The following COMTD1 variants were observed in gnomAD, a reference collection of about 807,000 sequenced individuals.
COMTD1 encodes catechol-O-methyltransferase domain containing 1.
COMTD1 carries 35 observed loss-of-function variants against 33.6 expected under a neutral mutation model. That is an observed-to-expected ratio of 1.04 (90% CI 0.80 to 1.38). The LOEUF (loss-of-function observed/expected upper bound fraction) is 1.38. Among genes scored for constraint, COMTD1 ranks in the 40% most tolerant of loss-of-function variants. COMTD1 has a pLI of 0.00. For synonymous variants in COMTD1, 160 were observed against 176.8 expected (o/e 0.91, Z 0.75); for missense variants, 370 against 363.4 (o/e 1.02, Z -0.15).
chr10:75,234,624 G>A lies in COMTD1; in HGVS notation c.622C>T (p.Leu208Phe), dbSNP rs1000309484. ...GGATCCCTTACTCTGAGGACGGCGAGGATGCCTCCGGGTCGCAGCAGCTGC... is the reference window on the plus strand; with the variant it reads ...GGATCCCTTACTCTGAGGACGGCGAAGATGCCTCCGGGTCGCAGCAGCTGC... ...CLQLLRPGGI[L>F]AVLRVLWRGK... Residue 208 changes from leucine (L) to phenylalanine (F), a missense_variant, in exon 6 of 7, where the codon CTC (leucine) becomes TTC (phenylalanine). Leu to Phe is a conservative substitution (Grantham distance 22). Coordinates refer to ENST00000372538, the MANE Select transcript of COMTD1 (RefSeq NM_144589.4). The A allele has an allele frequency of 5.1e-6, 8 of 1,563,738 alleles. No individual in the cohort carries two copies. Among genetic ancestry groups the A allele is most frequent in the Admixed American group, 3.8e-5 (2 of 52,958 alleles).
intron 6 of COMTD1, 73 bp downstream of exon 6, chr10:75,234,535 TAA>T: frequency 6.7e-7 from 1 of 1,495,454 alleles, no homozygotes. Flanking sequence ...CTTTGGGGTA[TAA>T]GAGGAGTCAA....
intron 1 of COMTD1, 41 bp downstream of exon 1, chr10:75,235,794 T>C: frequency 6.5e-7 from 1 of 1,548,588 alleles, no homozygotes; most frequent in Non-Finnish European, 8.7e-7. Context: ...CGCCCTACTC[T>C]GCGCCCGCCC....
chr10:75,234,416 C>G (rs1356130679), intron 6 of COMTD1, 191 bp from the exon 7 acceptor site: 6 of 1,056,318 alleles, frequency 5.7e-6, no homozygotes, highest in Non-Finnish European at 8.0e-6. Flanking sequence ...GGGAGGTGCC[C>G]GGGCAGGAGG....
At chr10:75,234,843 C>T in intron 5 of COMTD1, 95 bp downstream of exon 5, 3 of 1,531,604 alleles carry the variant, frequency 2.0e-6, no homozygotes, top group Admixed American at 4.2e-5. Context: ...CCGGCCCTGC[C>T]CTTAACCTGC....
Position 75,234,990 on chromosome 10 carries a change from G to A in COMTD1, c.450C>T (p.Ala150=). 6.6e-7 allele frequency: 1 copy of A among 1,513,264 alleles called. No individual in the cohort carries two copies. Among genetic ancestry groups the A allele is most frequent in the Non-Finnish European group, 8.8e-7 (1 of 1,134,290 alleles). 93.7% of individuals were successfully genotyped at this position (1,513,264 alleles called of 1,614,324 possible). A position where few individuals can be genotyped will look rare whatever the true frequency, so the allele number is the denominator to read the frequency against. The change falls in exon 5 of 7, where the codon GCC becomes GCT. Residue 150 remains alanine, a splice_region_variant and synonymous_variant. Transcript: ENST00000372538. Reference sequence around the variant, plus strand: ...GGAGGTCGATCTTGTGCTCCGCCTCGGCCTGCGGAGGGAGCGGGTCAGCCG... The same window carrying A: ...GGAGGTCGATCTTGTGCTCCGCCTCAGCCTGCGGAGGGAGCGGGTCAGCCG... ...PELGRPLWRQ[A]EAEHKIDLRL... is the part of the protein sequence containing the mutation.
At position 75,235,059 on chromosome 10, in the gene COMTD1, C is replaced by T. The variant is rs1445155427; in HGVS notation, c.447+1G>A. 2.8e-6 allele frequency: 4 copies of T among 1,440,894 alleles called. No homozygotes were observed. In the Admixed American group the frequency reaches 9.6e-5, roughly 35 times the overall value. 89.3% of individuals were successfully genotyped at this position (1,440,894 alleles called of 1,614,324 possible). A position where few individuals can be genotyped will look rare whatever the true frequency, so the allele number is the denominator to read the frequency against. On this transcript the variant is annotated splice_donor_variant, in intron 4 of 6. Transcript: ENST00000372538. LOFTEE classifies it high-confidence loss of function. ...CTGCAGAGCTAGGCGCGGGCGCTCA[C>T]CTGCCTCCACAGGGGCCGTCCCAGC...
chr10:75,235,797 G>GGGCGCC, intron 1 of COMTD1, 38 bp downstream of exon 1: 1 of 1,538,664 alleles, frequency 6.5e-7, no homozygotes, highest in Non-Finnish European at 8.8e-7. Context: ...CCTACTCTGC[G>GGGCGCC]CCCGCCCACC....
intron 2 of COMTD1, 57 bp downstream of exon 2, chr10:75,235,559 A>G: frequency 3.3e-6 from 5 of 1,509,724 alleles, no homozygotes; most frequent in Non-Finnish European, 4.4e-6. Flanking sequence ...TCACACAGCC[A>G]CGTGGGACCC....
In COMTD1 at chr10:75,235,676, C is replaced by T. The variant is rs1360718639; in HGVS notation, c.162G>A (p.Leu54=). 1 of 1,598,036 alleles carries T rather than the reference C, an allele frequency of 6.3e-7. No homozygotes were observed. The highest frequency in any genetic ancestry group is 1.1e-5 in the South Asian group (1 of 88,642). ...TGGAGCGGCTCAGAAGATACTGCCACAGGCGGCTGTCCTCGGGGGGAAGCA... is the reference window on the plus strand; with the variant it reads ...TGGAGCGGCTCAGAAGATACTGCCATAGGCGGCTGTCCTCGGGGGGAAGCA... ...QCLLPPEDSR[L]WQYLLSRSMR... is the part of the protein sequence containing the mutation. The change falls in exon 2 of 7, where the codon CTG becomes CTA. Residue 54 remains leucine, a synonymous_variant. Coordinates refer to ENST00000372538, the MANE Select transcript of COMTD1 (RefSeq NM_144589.4).
At position 75,234,208 on chromosome 10, in the gene COMTD1, C is replaced by T. The variant is rs759034119; in HGVS notation, c.654G>A (p.Lys218=). ...LAVLRVLWRG[K]VLQPPKGDVA... ...CGTCCCCTTTCGGAGGTTGCAGCACCTTCCCGCGCCACAGGACCTGCGGGA... is the reference window on the plus strand; with the variant it reads ...CGTCCCCTTTCGGAGGTTGCAGCACTTTCCCGCGCCACAGGACCTGCGGGA... The change falls in exon 7 of 7, where the codon AAG becomes AAA. Residue 218 remains lysine, a synonymous_variant. Coordinates refer to ENST00000372538, the MANE Select transcript of COMTD1 (RefSeq NM_144589.4). 50 of 1,612,130 alleles carry T rather than the reference C, an allele frequency of 3.1e-5. No homozygotes were observed. The Admixed American group carries it at 8.2e-4, about 26-fold the overall frequency.
chr10:75,233,977 G>T lies in COMTD1; in HGVS notation c.*96C>A, dbSNP rs1484795766. 1.9e-6 allele frequency: 3 copies of T among 1,601,462 alleles called. No homozygotes were observed. The highest frequency in any genetic ancestry group is 2.5e-6 in the Non-Finnish European group (3 of 1,177,454). ...CACACGGAGGCTCAGGAGGTCGTGTGTCCCAGCCCCACTTTATTTTCGAAT... is the reference window on the plus strand; with the variant it reads ...CACACGGAGGCTCAGGAGGTCGTGTTTCCCAGCCCCACTTTATTTTCGAAT... On this transcript the variant is annotated 3_prime_UTR_variant, in exon 7 of 7. Coordinates refer to ENST00000372538, the MANE Select transcript of COMTD1 (RefSeq NM_144589.4).
intron 3 of COMTD1, 42 bp from the exon 4 acceptor site, chr10:75,235,220 C>T: frequency 6.8e-7 from 1 of 1,466,040 alleles, no homozygotes; most frequent in South Asian, 1.4e-5. Context: ...GAGTGGGGGT[C>T]GGCCCGGAAA....
chr10:75,235,650 A>G lies in COMTD1; in HGVS notation c.188T>C (p.Met63Thr), dbSNP rs1256272252. ...RLWQYLLSRS[M>T]REHPALRSLR... ...GCTTCGCAGCGCCGGGTGCTCCCGC[A>G]TGGAGCGGCTCAGAAGATACTGCCA... The change falls in exon 2 of 7, where the codon ATG becomes ACG. Residue 63 changes from methionine (M) to threonine (T), a missense_variant. Coordinates refer to ENST00000372538, the MANE Select transcript of COMTD1 (RefSeq NM_144589.4). 2 of 1,596,630 alleles carry G rather than the reference A, an allele frequency of 1.3e-6. No homozygotes were observed. The highest frequency in any genetic ancestry group is 8.5e-7 in the Non-Finnish European group (1 of 1,173,248).
Position 75,235,295 on chromosome 10 carries a change from G to A in COMTD1, c.300C>T (p.Leu100=). The change falls in exon 3 of 7, where the codon CTC becomes CTT. Residue 100 remains leucine (L), a synonymous_variant. Coordinates refer to ENST00000372538, the MANE Select transcript of COMTD1 (RefSeq NM_144589.4). ...QAQLLANLAR[L]IQAKKALDLG... The stretch of plus-strand genomic sequence containing the variant: ...GGTCCAGCGCCTTCTTGGCCTGGAT[G>A]AGCCGCGCCAGGTTGGCCAAGAGCT... The A allele has an allele frequency of 1.3e-6, 2 of 1,588,428 alleles. No homozygotes were observed. Among genetic ancestry groups the A allele is most frequent in the African/African-American group, 1.4e-5 (1 of 73,754 alleles).
Position 75,233,826 on chromosome 10 carries a change from C to T in COMTD1, c.*247G>A. 1 of 941,430 alleles carries T rather than the reference C, an allele frequency of 1.1e-6. No homozygotes were observed. 58.3% of individuals were successfully genotyped at this position (941,430 alleles called of 1,614,324 possible). ...TAAAACTTTATAACCTGCCTCCTGC[C>T]AGCTGGAGGTTCCTGCAGTTGGGCC... On this transcript the variant is annotated 3_prime_UTR_variant, in exon 7 of 7. Transcript: ENST00000372538.
At position 75,233,896 on chromosome 10, in the gene COMTD1, A is replaced by G. The variant is rs1333577347; in HGVS notation, c.*177T>C. 4.9e-6 allele frequency: 7 copies of G among 1,442,532 alleles called. No individual in the cohort carries two copies. The South Asian group carries it at 5.7e-5, about 12-fold the overall frequency. 89.4% of individuals were successfully genotyped at this position (1,442,532 alleles called of 1,614,324 possible). ...GGGGACGAATCTCAAGGCCCCTTTC[A>G]CTGAAGGCAGGAGCTGTCTGTGCTG... On this transcript the variant is annotated 3_prime_UTR_variant, in exon 7 of 7. Coordinates refer to ENST00000372538, the MANE Select transcript of COMTD1 (RefSeq NM_144589.4).
At chr10:75,234,506 G>T in intron 6 of COMTD1, 104 bp downstream of exon 6, 1 of 1,444,358 alleles carries the variant, frequency 6.9e-7, no homozygotes, top group Non-Finnish European at 9.2e-7. Context: ...TGTAGCCTAC[G>T]TGACTGGACT....
rs763103277 is a variant in COMTD1 at position 75,234,652 on chromosome 10, G to A, written c.594C>T (p.Cys198=). ...KENCSAYYER[C]LQLLRPGGIL... ...TGCCTCCGGGTCGCAGCAGCTGCAG[G>A]CAGCGCTCGTAGTAGGCGGAGCAGT... Residue 198 remains cysteine, a synonymous_variant, in exon 6 of 7, where the codon TGC becomes TGT. Coordinates refer to ENST00000372538, the MANE Select transcript of COMTD1 (RefSeq NM_144589.4). 4 of 1,570,562 alleles carry A rather than the reference G, an allele frequency of 2.5e-6. No individual in the cohort carries two copies. The African/African-American group carries it at 4.1e-5, about 16-fold the overall frequency.
At chr10:75,234,296 G>T in intron 6 of COMTD1, 71 bp from the exon 7 acceptor site, 1 of 1,502,296 alleles carries the variant, frequency 6.7e-7, no homozygotes, top group Non-Finnish European at 9.0e-7. Context: ...GCGGAAGGCG[G>T]GGGACTGGGA....
Sources: allele counts gnomAD v4.1 joint callset, GRCh38; gene constraint gnomAD v4.1.1; transcripts MANE v1.5; gene names NCBI Gene and HGNC (gene_info 2026-07-23, HGNC 2026-07-21).